The following CNTN5 variants were observed in gnomAD, a reference collection of about 807,000 sequenced individuals.
CNTN5 encodes the protein contactin 5, also known as contactin-5.
In CNTN5, 77 loss-of-function variants were observed where a neutral mutation model predicts 129.1. That is an observed-to-expected ratio of 0.60 (90% CI 0.50 to 0.72). The LOEUF is 0.72. CNTN5 is among the 30% of genes least tolerant of loss of function. CNTN5 has a pLI of 0.00. For synonymous variants in CNTN5, 509 were observed against 465.6 expected, an observed-to-expected ratio of 1.09 and a Z score of -1.20; for missense variants, 1,478 against 1,328.8, an observed-to-expected ratio of 1.11 and a Z score of -1.75.
chr11:99,144,483 G>A (rs547404092), intron 1 of CNTN5, among the ~76,000 whole-genome samples: 1 of 152,118 alleles, frequency 6.6e-6, no homozygotes, highest in Non-Finnish European at 1.5e-5. Context: ...AAGACATAAG[G>A]AGGTTTTCCA....
At chr11:99,371,390 A>C (rs1404078920) in intron 2 of CNTN5, among the ~76,000 whole-genome samples, 2 of 152,052 alleles carry the variant, frequency 1.3e-5, no homozygotes, top group African/African-American at 4.8e-5. Flanking sequence ...TGTATAAAAC[A>C]TAGCCTATAT....
At chr11:99,948,227 A>G (rs959333599) in intron 7 of CNTN5, among the ~76,000 whole-genome samples, 1 of 152,190 alleles carries the variant, frequency 6.6e-6, no homozygotes, top group Non-Finnish European at 1.5e-5. Context: ...GTAAATCTTA[A>G]TGTAAGTGGA....
intron 2 of CNTN5, among the ~76,000 whole-genome samples, chr11:99,457,898 T>C (rs2135220973): frequency 6.6e-6 from 1 of 151,972 alleles, no homozygotes; most frequent in East Asian, 1.9e-4. Flanking sequence ...TGCAGGATTT[T>C]AGATTAATGT....
intron 9 of CNTN5, among the ~76,000 whole-genome samples, chr11:100,040,539 TTTTG>T: frequency 6.6e-6 from 1 of 152,312 alleles, no homozygotes; most frequent in East Asian, 1.9e-4. Context: ...ACTGCTGTCT[TTTTG>T]TTTGTCTGTG....
intron 19 of CNTN5, 70 bp downstream of exon 19, chr11:100,297,765 T>A: frequency 1.7e-6 from 2 of 1,185,884 alleles, no homozygotes; most frequent in Non-Finnish European, 2.4e-6. Flanking sequence ...TTTAATTATT[T>A]TATGATTAAG....
chr11:100,261,396 C>T (rs1450990273), intron 17 of CNTN5, among the ~76,000 whole-genome samples: 1 of 152,102 alleles, frequency 6.6e-6, no homozygotes, highest in Non-Finnish European at 1.5e-5. Flanking sequence ...AGATTCAATG[C>T]TCTCCTCATC....
At chr11:100,153,491 AAAT>A (rs1289350837) in intron 13 of CNTN5, among the ~76,000 whole-genome samples, 4 of 152,150 alleles carry the variant, frequency 2.6e-5, no homozygotes, top group Admixed American at 2.6e-4. Context: ...AATGTACAGC[AAAT>A]AATAAATCAG....
chr11:99,081,957 C>T (rs1490446424), intron 1 of CNTN5, among the ~76,000 whole-genome samples: 1 of 152,030 alleles, frequency 6.6e-6, no homozygotes, highest in Non-Finnish European at 1.5e-5. Flanking sequence ...GATAATATAA[C>T]ATACAAAATT....
At chr11:99,894,161 C>G (rs1377107982) in intron 6 of CNTN5, among the ~76,000 whole-genome samples, 1 of 152,132 alleles carries the variant, frequency 6.6e-6, no homozygotes, top group Non-Finnish European at 1.5e-5. Context: ...ATAGGTTTTT[C>G]TGGAGCCAAA....
intron 3 of CNTN5, among the ~76,000 whole-genome samples, chr11:99,796,209 G>C (rs1945932522): frequency 6.6e-6 from 1 of 152,182 alleles, no homozygotes; most frequent in Non-Finnish European, 1.5e-5. Flanking sequence ...AGCAATGGCA[G>C]TGCAGGGTTG....
chr11:100,158,658 A>C (rs1947337611), intron 13 of CNTN5, among the ~76,000 whole-genome samples: 1 of 151,866 alleles, frequency 6.6e-6, no homozygotes, highest in African/African-American at 2.4e-5. Flanking sequence ...CTTAATACAA[A>C]TGCTCCAAAT....
chr11:100,347,028 A>G (rs1952295849), intron 23 of CNTN5, among the ~76,000 whole-genome samples: 1 of 152,118 alleles, frequency 6.6e-6, no homozygotes, highest in African/African-American at 2.4e-5. Context: ...ACCTGTCCCC[A>G]TGATTCAGTT....
chr11:99,322,389 G>A (rs1865609576), intron 1 of CNTN5, among the ~76,000 whole-genome samples: 1 of 152,060 alleles, frequency 6.6e-6, no homozygotes, highest in South Asian at 2.1e-4. Flanking sequence ...TTCAGAAGTA[G>A]AAAGAACACA....
At chr11:99,669,154 G>T (rs1952926343) in intron 3 of CNTN5, among the ~76,000 whole-genome samples, 2 of 152,036 alleles carry the variant, frequency 1.3e-5, no homozygotes, top group South Asian at 4.1e-4. Flanking sequence ...ATAATAGTGT[G>T]CCATGGCTTG....
intron 21 of CNTN5, among the ~76,000 whole-genome samples, chr11:100,336,063 A>G (rs1325781592): frequency 1.3e-5 from 2 of 152,280 alleles, no homozygotes; most frequent in African/African-American, 4.8e-5. Flanking sequence ...GAGAAGTACT[A>G]TTTTCTCTGT....
intron 1 of CNTN5, among the ~76,000 whole-genome samples, chr11:99,093,889 G>A (rs1866359809): frequency 6.6e-6 from 1 of 151,804 alleles, no homozygotes; most frequent in South Asian, 2.1e-4. Context: ...TCAAATTAGT[G>A]CCCTTTCCCC....
chr11:99,700,603 T>C (rs1172033710), intron 3 of CNTN5, among the ~76,000 whole-genome samples: 3 of 151,400 alleles, frequency 2.0e-5, no homozygotes, highest in Non-Finnish European at 4.4e-5. Flanking sequence ...TTTGTTCTTA[T>C]GCTTCACATT....
chr11:99,927,970 T>C (rs1950101941), intron 7 of CNTN5, among the ~76,000 whole-genome samples: 1 of 152,142 alleles, frequency 6.6e-6, no homozygotes, highest in African/African-American at 2.4e-5. Context: ...ACTTCCTACA[T>C]ACTATGGGGG....
At chr11:99,453,605 A>G (rs1029141075) in intron 2 of CNTN5, among the ~76,000 whole-genome samples, 9 of 152,350 alleles carry the variant, frequency 5.9e-5, no homozygotes, top group Admixed American at 5.2e-4. Flanking sequence ...TTCAAAATTT[A>G]TGAGCGATGA....
Sources: allele counts gnomAD v4.1 joint callset (sites outside exome capture counted in the v4.1 genomes callset), GRCh38; gene constraint gnomAD v4.1.1; transcripts MANE v1.5; gene names NCBI Gene and HGNC (gene_info 2026-07-23, HGNC 2026-07-21).